ITGAV: variants seen among roughly 807,000 people sequenced by gnomAD.
ITGAV encodes the protein integrin alpha-V.
ITGAV carries 76 observed loss-of-function variants against 143.8 expected under a neutral mutation model. That is an observed-to-expected ratio of 0.53 (90% CI 0.44 to 0.64). The LOEUF is 0.64. ITGAV is among the 30% of genes least tolerant of loss of function. ITGAV has a pLI of 0.00. For missense variants in ITGAV, 1,193 were observed against 1,274.7 expected, an observed-to-expected ratio of 0.94 and a Z score of 0.98; for synonymous variants, 453 against 446.7, an observed-to-expected ratio of 1.01 and a Z score of -0.18.
chr2:186,620,948 C>A, intron 2 of ITGAV, among the ~76,000 whole-genome samples: 1 of 152,060 alleles, frequency 6.6e-6, no homozygotes, highest in Non-Finnish European at 1.5e-5. Context: ...ATCAATTTTA[C>A]ATATAAAAAA....
intron 18 of ITGAV, chr2:186,660,608 A>ATTGTAATTTTTAAT (rs1163103853): frequency 3.9e-5 from 6 of 152,190 alleles, no homozygotes; most frequent in Non-Finnish European, 7.3e-5. Context: ...CAAAGTTTTA[A>ATTGTAATTTTTAAT]TTGTAATTTT....
chr2:186,600,783 A>G (rs1358515081), intron 1 of ITGAV, among the ~76,000 whole-genome samples: 2 of 152,184 alleles, frequency 1.3e-5, no homozygotes, highest in Non-Finnish European at 2.9e-5. Flanking sequence ...ATATGGTGAA[A>G]CCCTGTCTCT....
At chr2:186,642,782 G>C (rs757470606) in intron 12 of ITGAV, among the ~76,000 whole-genome samples, 16 of 151,872 alleles carry the variant, frequency 1.1e-4, no homozygotes, top group African/African-American at 1.9e-4. Flanking sequence ...CTCCTGCCTT[G>C]GCTGTGCGAA....
At chr2:186,598,654 C>G (rs963800399) in intron 1 of ITGAV, among the ~76,000 whole-genome samples, 1 of 152,010 alleles carries the variant, frequency 6.6e-6, no homozygotes, top group Non-Finnish European at 1.5e-5. Flanking sequence ...GTCTCAAACT[C>G]CTGACCTCAA....
At position 186,667,520 on chromosome 2, in the gene ITGAV, G is replaced by T. The variant is rs1215763592; in HGVS notation, c.2328-151G>T. ...TACATTTCATAAGAGCAGTTTTTGT[G>T]CATGTGTGTGTTCATTAGTTTTCTT... On this transcript the variant is annotated intron_variant, in intron 23 of 29. Coordinates refer to ENST00000261023, the MANE Select transcript of ITGAV (RefSeq NM_002210.5). 5 of 523,488 alleles carry T rather than the reference G, an allele frequency of 9.6e-6. No homozygotes were observed. In the East Asian group the frequency reaches 1.2e-4, roughly 12 times the overall value. 32.4% of individuals were successfully genotyped at this position (523,488 alleles called of 1,614,324 possible). A position where few individuals can be genotyped will look rare whatever the true frequency, so the allele number is the denominator to read the frequency against.
rs1179223729 is a variant in ITGAV at position 186,646,700 on chromosome 2, G to T, written c.1174G>T (p.Ala392Ser). 6 of 1,561,376 alleles carry T rather than the reference G, an allele frequency of 3.8e-6. No individual in the cohort carries two copies. The highest frequency in any genetic ancestry group is 4.4e-6 in the Non-Finnish European group (5 of 1,145,386). Residue 392 changes from alanine to serine, a missense_variant, in exon 13 of 30, where the codon GCT (alanine) becomes TCT (serine). Physicochemically the swap from Ala to Ser is moderately conservative, Grantham distance 99 (BLOSUM62 1). Transcript: ENST00000261023. ...QDGFNDIAIA[A>S]PYGGEDKKGI... ...TTTCCCCACAGATATTGCAATTGCTGCTCCATATGGGGGTGAAGATAAAAA... is the reference window on the plus strand; with the variant it reads ...TTTCCCCACAGATATTGCAATTGCTTCTCCATATGGGGGTGAAGATAAAAA...
chr2:186,620,936 A>C (rs995300883), intron 2 of ITGAV, among the ~76,000 whole-genome samples: 3 of 152,196 alleles, frequency 2.0e-5, no homozygotes, highest in African/African-American at 7.2e-5. Flanking sequence ...TATTGACTTA[A>C]TATCAATTTT....
chr2:186,664,703 C>G, intron 20 of ITGAV, 62 bp downstream of exon 20: 1 of 1,584,810 alleles, frequency 6.3e-7, no homozygotes, highest in Non-Finnish European at 8.7e-7. Context: ...CATTAATGAG[C>G]TGTTCCCCTA....
chr2:186,625,776 G>A (rs528331830), intron 4 of ITGAV, among the ~76,000 whole-genome samples, 189 bp downstream of exon 4: 1 of 151,920 alleles, frequency 6.6e-6, no homozygotes, highest in Non-Finnish European at 1.5e-5. Flanking sequence ...GAAGTAAACA[G>A]GTTTACTTTT....
At chr2:186,613,317 G>A (rs573914843) in intron 2 of ITGAV, among the ~76,000 whole-genome samples, 1 of 152,068 alleles carries the variant, frequency 6.6e-6, no homozygotes, top group East Asian at 1.9e-4. Context: ...CAGGACCACT[G>A]GAATTGCTCA....
intron 2 of ITGAV, among the ~76,000 whole-genome samples, chr2:186,609,979 T>C (rs1431080484): frequency 1.3e-5 from 2 of 152,094 alleles, no homozygotes; most frequent in Non-Finnish European, 2.9e-5. Context: ...TAGAGTATTA[T>C]ATTAGAGATA....
At chr2:186,629,973 A>T (rs1190615425) in intron 4 of ITGAV, among the ~76,000 whole-genome samples, 1 of 152,134 alleles carries the variant, frequency 6.6e-6, no homozygotes. Flanking sequence ...GAGAACAACT[A>T]AAAAGGGAAC....
intron 2 of ITGAV, among the ~76,000 whole-genome samples, chr2:186,603,418 C>A (rs931562509): frequency 2.0e-5 from 3 of 151,914 alleles, no homozygotes; most frequent in East Asian, 3.8e-4. Context: ...ATTAAGCCAG[C>A]TGTTAATGGG....
At position 186,622,403 on chromosome 2, in the gene ITGAV, T is replaced by G; in HGVS notation, c.381T>G (p.Ser127=). The G allele has an allele frequency of 6.2e-7, 1 of 1,613,432 alleles. No homozygotes were observed. The highest frequency in any genetic ancestry group is 8.5e-7 in the Non-Finnish European group (1 of 1,179,372). ...EFKSHQWFGA[S]VRSKQDKILA... ...AGTCCCATCAGTGGTTTGGAGCATC[T>G]GTGAGGTCGAAACAGGATAAAATTT... Residue 127 remains serine (S), a synonymous_variant, in exon 3 of 30, where the codon TCT becomes TCG. Coordinates refer to ENST00000261023, the MANE Select transcript of ITGAV (RefSeq NM_002210.5).
At chr2:186,600,832 G>A (rs927074956) in intron 1 of ITGAV, among the ~76,000 whole-genome samples, 1 of 152,036 alleles carries the variant, frequency 6.6e-6, no homozygotes, top group Non-Finnish European at 1.5e-5. Flanking sequence ...GGTGGTGGGC[G>A]GCTGTAATCA....
intron 18 of ITGAV, among the ~76,000 whole-genome samples, chr2:186,660,227 C>G (rs1688707441): frequency 6.6e-6 from 1 of 152,122 alleles, no homozygotes; most frequent in African/African-American, 2.4e-5. Context: ...AACTCCCCAT[C>G]CAATTTCTTT....
intron 12 of ITGAV, among the ~76,000 whole-genome samples, chr2:186,642,418 G>A (rs983800824): frequency 2.6e-5 from 4 of 151,904 alleles, no homozygotes; most frequent in African/African-American, 9.7e-5. Context: ...AAAGGTAAAT[G>A]TTGTTTGCCC....
chr2:186,655,003 A>G (rs371057543), intron 16 of ITGAV, among the ~76,000 whole-genome samples: 4 of 152,326 alleles, frequency 2.6e-5, no homozygotes, highest in South Asian at 4.1e-4. Flanking sequence ...ACTCTGGGGA[A>G]ATATGAATAT....
intron 12 of ITGAV, among the ~76,000 whole-genome samples, chr2:186,642,191 C>T (rs1439476271): frequency 6.6e-6 from 1 of 152,064 alleles, no homozygotes; most frequent in African/African-American, 2.4e-5. Flanking sequence ...CTTTAGAACT[C>T]TTTTCAGAAA....
Sources: allele counts gnomAD v4.1 joint callset (sites outside exome capture counted in the v4.1 genomes callset), GRCh38; gene constraint gnomAD v4.1.1; transcripts MANE v1.5; gene names NCBI Gene and HGNC (gene_info 2026-07-23, HGNC 2026-07-21).